The following ZNF560 variants were observed in gnomAD, a reference collection of about 807,000 sequenced individuals.
The protein encoded by ZNF560 is zinc finger protein 560.
Under a neutral mutation model 81.8 loss-of-function variants are expected in ZNF560, and 54 were observed. The ratio of observed to expected loss-of-function variants is 0.66; its 90% confidence interval spans 0.53 to 0.83. The LOEUF is 0.83. ZNF560 is among the 40% of genes least tolerant of loss of function. The probability of loss-of-function intolerance (pLI) is 0.00; values close to 1 mark genes in which losing one functional copy is unlikely to be tolerated. For synonymous variants in ZNF560, 321 were observed against 317.9 expected (o/e 1.01, Z -0.10); for missense variants, 940 against 932.4 (o/e 1.01, Z -0.11).
chr19:9,478,645 A>G (rs2073239024), intron 2 of ZNF560, among the ~76,000 whole-genome samples: 1 of 152,170 alleles, frequency 6.6e-6, no homozygotes, highest in South Asian at 2.1e-4. Context: ...GAAAAATAAA[A>G]TGAGGAGAGG....
intron 7 of ZNF560, 114 bp downstream of exon 7, chr19:9,470,278 A>C: frequency 4.3e-6 from 6 of 1,410,600 alleles, no homozygotes; most frequent in Non-Finnish European, 5.7e-6. Context: ...ATTTTTTTTC[A>C]GTGTGTATAT....
At chr19:9,500,213 G>A (rs752868118), upstream of ZNF560, among the ~76,000 whole-genome samples, 23 of 151,714 alleles carry the variant, frequency 1.5e-4, 1 homozygote, top group South Asian at 1.0e-3. Context: ...GTGAAACCCC[G>A]TCTCTACTAA....
the ZNF560 span, among the ~76,000 whole-genome samples, chr19:9,448,847 A>G: frequency 2.0e-5 from 3 of 152,184 alleles, no homozygotes; most frequent in Non-Finnish European, 4.4e-5. Context: ...AAGAGCTATC[A>G]TGCAAATGCA....
chr19:9,480,075 A>C (rs1169828352), intron 2 of ZNF560, among the ~76,000 whole-genome samples: 2 of 152,220 alleles, frequency 1.3e-5, no homozygotes, highest in East Asian at 3.8e-4. Flanking sequence ...TTCAGACAGA[A>C]AATCAATAAA....
chr19:9,454,955 T>C, the ZNF560 span, among the ~76,000 whole-genome samples: 1 of 152,134 alleles, frequency 6.6e-6, no homozygotes, highest in African/African-American at 2.4e-5. Flanking sequence ...CAGCACCTCC[T>C]CAATACCTTG....
chr19:9,456,831 G>A, the ZNF560 span, among the ~76,000 whole-genome samples: 22 of 152,146 alleles, frequency 1.4e-4, no homozygotes, highest in Admixed American at 1.1e-3. Context: ...CAACAATGGG[G>A]AGCACAAGTT....
chr19:9,485,168 A>T (rs12461031), intron 2 of ZNF560, among the ~76,000 whole-genome samples: 15,019 of 152,234 alleles, frequency 0.099, 884 homozygotes, highest in South Asian at 0.2. Flanking sequence ...ACATCTAAGA[A>T]TATCTAAACC....
chr19:9,478,312 T>A (rs557665494), intron 2 of ZNF560, among the ~76,000 whole-genome samples: 1 of 152,212 alleles, frequency 6.6e-6, no homozygotes, highest in South Asian at 2.1e-4. Flanking sequence ...CCAGCAAAGC[T>A]GTCCTTCAGG....
chr19:9,470,007 T>C, intron 7 of ZNF560: 1 of 430,898 alleles, frequency 2.3e-6, no homozygotes, highest in Admixed American at 3.8e-5. Flanking sequence ...TTTATTAAAA[T>C]AGAAACTAAT....
At chr19:9,498,666 C>T (rs1202546845), upstream of ZNF560, 6 of 152,224 alleles carry the variant, frequency 3.9e-5, no homozygotes, top group Non-Finnish European at 8.8e-5. Context: ...GGGCGTGGCT[C>T]GTTGTGTGGG....
downstream of ZNF560, among the ~76,000 whole-genome samples, chr19:9,465,130 T>C (rs1009355889): frequency 3.7e-4 from 28 of 76,104 alleles, no homozygotes; most frequent in Non-Finnish European, 7.0e-5. Flanking sequence ...AAGCTATTGA[T>C]TTTTTTTTTT....
At chr19:9,485,609 G>C (rs1391000878) in intron 2 of ZNF560, among the ~76,000 whole-genome samples, 1 of 150,036 alleles carries the variant, frequency 6.7e-6, no homozygotes, top group Non-Finnish European at 1.5e-5. Flanking sequence ...GCAATGGTGT[G>C]ATCTCAGCTC....
chr19:9,482,976 T>A (rs377495483), intron 2 of ZNF560, among the ~76,000 whole-genome samples: 1 of 151,770 alleles, frequency 6.6e-6, no homozygotes, highest in Admixed American at 6.6e-5. Flanking sequence ...TCAATGTTGC[T>A]CAGGCTGGAG....
chr19:9,475,889 A>C (rs1348607269), intron 2 of ZNF560, among the ~76,000 whole-genome samples: 1 of 152,162 alleles, frequency 6.6e-6, no homozygotes, highest in African/African-American at 2.4e-5. Flanking sequence ...TACAGGCATG[A>C]GCCACTGCAC....
intron 2 of ZNF560, among the ~76,000 whole-genome samples, chr19:9,488,173 T>A (rs1482605332): frequency 6.6e-6 from 1 of 152,182 alleles, no homozygotes; most frequent in Non-Finnish European, 1.5e-5. Flanking sequence ...GCTGTTTGTG[T>A]TTGGTCCCTT....
At chr19:9,471,235 T>C (rs1410471762) in intron 6 of ZNF560, 61 bp downstream of exon 6, 63 of 1,260,278 alleles carry the variant, frequency 5.0e-5, no homozygotes, top group Non-Finnish European at 6.5e-5. Context: ...TTATTTTCTA[T>C]ATTGGAAGTC....
chr19:9,476,249 G>A (rs745889797), intron 2 of ZNF560, among the ~76,000 whole-genome samples: 7 of 151,980 alleles, frequency 4.6e-5, no homozygotes, highest in African/African-American at 1.2e-4. Flanking sequence ...TGCTGTTTTC[G>A]TGATAATGAG....
intron 2 of ZNF560, among the ~76,000 whole-genome samples, chr19:9,484,576 G>A (rs963578727): frequency 1.8e-4 from 27 of 148,626 alleles, no homozygotes; most frequent in African/African-American, 6.0e-4. Context: ...GAGGTCAGGA[G>A]TTTGAGACTA....
rs987556888 is a variant in ZNF560 at position 9,484,834 on chromosome 19, T to TA, written c.-56-9466dup. On this transcript the variant is annotated intron_variant, in intron 2 of 9. Coordinates refer to ENST00000301480, the MANE Select transcript of ZNF560 (RefSeq NM_152476.3). ...TAAATAAAATTAAGCCTTTAAAAAA[T>TA]AAAAAAAAGAAAAAAAAAGAAAAGA... Among the ~76,000 whole-genome samples, 12 of 124,514 alleles carry TA rather than the reference T, an allele frequency of 9.6e-5. No individual in the cohort carries two copies. The East Asian group carries it at 1.6e-3, about 16-fold the overall frequency. 81.7% of individuals were successfully genotyped at this position (124,514 alleles called of 152,430 possible).
Sources: allele counts gnomAD v4.1 joint callset (sites outside exome capture counted in the v4.1 genomes callset), GRCh38; gene constraint gnomAD v4.1.1; transcripts MANE v1.5; gene names NCBI Gene and HGNC (gene_info 2026-07-23, HGNC 2026-07-21).